JAZF1: variants seen among roughly 807,000 people sequenced by gnomAD.
JAZF1 encodes juxtaposed with another zinc finger protein 1.
A neutral mutation model predicts 26.4 loss-of-function variants in JAZF1; 8 were observed. The ratio of observed to expected loss-of-function variants is 0.30; its 90% confidence interval spans 0.18 to 0.55. JAZF1 has a LOEUF of 0.55. Among genes scored for constraint, JAZF1 ranks in the 20% least tolerant of loss-of-function variants. JAZF1 has a pLI of 0.94. For missense variants in JAZF1, 199 were observed against 322.0 expected (o/e 0.62, Z 2.92); for synonymous variants, 126 against 122.3 (o/e 1.03, Z -0.20).
intron 1 of JAZF1, among the ~76,000 whole-genome samples, chr7:28,085,674 A>G (rs1284303802): frequency 1.3e-5 from 2 of 152,220 alleles, no homozygotes; most frequent in African/African-American, 4.8e-5. Flanking sequence ...CTCAGTAATC[A>G]AGGCCCATTA....
At chr7:27,935,566 T>C (rs1338849374) in intron 2 of JAZF1, among the ~76,000 whole-genome samples, 1 of 152,192 alleles carries the variant, frequency 6.6e-6, no homozygotes. Flanking sequence ...CAGTGACAAC[T>C]AATGTGTACG....
intron 1 of JAZF1, among the ~76,000 whole-genome samples, chr7:28,173,727 G>A (rs1783507850): frequency 6.6e-6 from 1 of 151,804 alleles, no homozygotes; most frequent in African/African-American, 2.4e-5. Flanking sequence ...TGGCCGTCAG[G>A]GGACTATCAG....
intron 2 of JAZF1, among the ~76,000 whole-genome samples, chr7:27,940,662 T>C (rs544572721): frequency 6.6e-6 from 1 of 152,110 alleles, no homozygotes; most frequent in Non-Finnish European, 1.5e-5. Flanking sequence ...CGTACTTGGG[T>C]GGAGGCGGCC....
chr7:27,943,682 C>T (rs1784882840), intron 2 of JAZF1, among the ~76,000 whole-genome samples: 1 of 152,192 alleles, frequency 6.6e-6, no homozygotes, highest in Admixed American at 6.5e-5. Flanking sequence ...TCAGTCATCT[C>T]CCTCTCATGA....
At chr7:27,935,013 T>C (rs763892480) in intron 2 of JAZF1, among the ~76,000 whole-genome samples, 6 of 152,160 alleles carry the variant, frequency 3.9e-5, no homozygotes, top group Non-Finnish European at 7.4e-5. Context: ...AATAAAAACA[T>C]AAATAATCCA....
At position 27,996,436 on chromosome 7, in the gene JAZF1, G is replaced by C. The variant is rs540870983; in HGVS notation, c.116-4455C>G. 2.6e-3 allele frequency among the ~76,000 whole-genome samples: 403 copies of C among 152,306 alleles called. 2 individuals are homozygous for C. The highest frequency in any genetic ancestry group is 9.4e-3 in the African/African-American group (390 of 41,560). On this transcript the variant is annotated intron_variant, in intron 1 of 4. Transcript: ENST00000283928. ...CAGTGGGAGGCCTGAGAGGATGTGG[G>C]TGGGAAGGTAGTAGGGGATTTGCAG...
intron 3 of JAZF1, among the ~76,000 whole-genome samples, chr7:27,860,879 C>CT (rs1783367719): frequency 6.7e-6 from 1 of 148,152 alleles, no homozygotes; most frequent in Admixed American, 6.9e-5. Flanking sequence ...CTCGTCCCTC[C>CT]TTTTTCCTAA....
intron 1 of JAZF1, among the ~76,000 whole-genome samples, chr7:28,159,433 A>C (rs913589645): frequency 6.6e-6 from 1 of 151,942 alleles, no homozygotes; most frequent in African/African-American, 2.4e-5. Context: ...TCAGGAGAGG[A>C]GGACCGTGAG....
At chr7:28,169,305 G>C (rs1783417927) in intron 1 of JAZF1, among the ~76,000 whole-genome samples, 1 of 152,194 alleles carries the variant, frequency 6.6e-6, no homozygotes, top group Admixed American at 6.5e-5. Flanking sequence ...ATATATAAAA[G>C]GGAGTTTCCA....
At chr7:27,988,181 C>G (rs1296071507) in intron 2 of JAZF1, among the ~76,000 whole-genome samples, 1 of 92,226 alleles carries the variant, frequency 1.1e-5, no homozygotes, top group Non-Finnish European at 2.1e-5. Context: ...CAAGAATGAT[C>G]AATAAATACT....
Position 27,840,598 on chromosome 7 carries a change from A to C in JAZF1, c.555+100T>G. The C allele has an allele frequency of 8.1e-7, 1 of 1,230,798 alleles. No individual in the cohort carries two copies. The highest frequency in any genetic ancestry group is 1.2e-6 in the Non-Finnish European group (1 of 857,010). The allele number at this position is 1,230,798 out of a possible 1,614,324, so 76.2% of individuals were successfully genotyped here. On this transcript the variant is annotated intron_variant, in intron 4 of 4. Transcript: ENST00000283928. This position sits in a 1 kb window ranked among gnomAD's most constrained non-coding sequence, Gnocchi z 5.1. Reference sequence around the variant, plus strand: ...GCAGGAGAGGGGAGTGTCTCCCCCCAGCCCATACGCTCGCTTTAAAATCAA... The same window carrying C: ...GCAGGAGAGGGGAGTGTCTCCCCCCCGCCCATACGCTCGCTTTAAAATCAA...
intron 2 of JAZF1, among the ~76,000 whole-genome samples, chr7:27,991,440 A>G (rs1479138448): frequency 6.6e-6 from 1 of 152,164 alleles, no homozygotes; most frequent in Non-Finnish European, 1.5e-5. Context: ...AAGTTACTCT[A>G]CAGCTGGGGT....
intron 2 of JAZF1, among the ~76,000 whole-genome samples, chr7:27,976,219 G>A (rs888146193): frequency 2.0e-5 from 3 of 152,078 alleles, no homozygotes; most frequent in East Asian, 1.9e-4. Flanking sequence ...GGTTGTGTGC[G>A]CCTGTAGTCC....
intron 3 of JAZF1, among the ~76,000 whole-genome samples, chr7:27,880,252 G>A (rs550778573): frequency 9.9e-5 from 15 of 151,714 alleles, no homozygotes; most frequent in Admixed American, 9.8e-4. Flanking sequence ...ATATTTGTTG[G>A]AAAGCAAAAA....
Position 28,172,391 on chromosome 7 carries a change from G to A in JAZF1, c.115+8072C>T, listed in dbSNP as rs111254023. On this transcript the variant is annotated intron_variant, in intron 1 of 4. Transcript: ENST00000283928. ...AATCCAGGACATTTCAAGTTTTCTCGTGCAATGACTAACTTTAAATATTCT... is the reference window on the plus strand; with the variant it reads ...AATCCAGGACATTTCAAGTTTTCTCATGCAATGACTAACTTTAAATATTCT... Among the ~76,000 whole-genome samples, 898 of 152,040 alleles carry A rather than the reference G, an allele frequency of 5.9e-3. 11 individuals are homozygous for A. The highest frequency in any genetic ancestry group is 0.021 in the African/African-American group (850 of 41,450).
chr7:28,155,844 C>G (rs2127949978), intron 1 of JAZF1, among the ~76,000 whole-genome samples: 1 of 152,314 alleles, frequency 6.6e-6, no homozygotes, highest in East Asian at 1.9e-4. Context: ...AATTCTAACC[C>G]TGCTTCTTCC....
At chr7:28,025,645 AG>A (rs1487539765) in intron 1 of JAZF1, among the ~76,000 whole-genome samples, 1 of 152,250 alleles carries the variant, frequency 6.6e-6, no homozygotes, top group Non-Finnish European at 1.5e-5. Flanking sequence ...GAAACCAATC[AG>A]GGGTTTAAAA....
intron 1 of JAZF1, among the ~76,000 whole-genome samples, chr7:27,992,548 A>G (rs1405888672): frequency 6.6e-6 from 1 of 152,188 alleles, no homozygotes; most frequent in Non-Finnish European, 1.5e-5. Flanking sequence ...GTCAACAAAC[A>G]CTACATTCAC....
chr7:28,062,274 A>G (rs559026059), intron 1 of JAZF1, among the ~76,000 whole-genome samples: 3 of 152,056 alleles, frequency 2.0e-5, no homozygotes, highest in African/African-American at 4.8e-5. Context: ...AGTGAGCTCA[A>G]TATTAGTTAG....
Sources: allele counts gnomAD v4.1 joint callset (sites outside exome capture counted in the v4.1 genomes callset), GRCh38; gene constraint gnomAD v4.1.1; non-coding constraint Gnocchi (gnomAD v3.1); transcripts MANE v1.5; gene names NCBI Gene and HGNC (gene_info 2026-07-23, HGNC 2026-07-21).